Variants in IPP observed in about 807,000 individuals in gnomAD.
IPP encodes actin-binding protein IPP.
In IPP, 41 loss-of-function variants were observed where a neutral mutation model predicts 64.1. The observed-to-expected ratio is 0.64, with a 90% CI of 0.50 to 0.83. The LOEUF (loss-of-function observed/expected upper bound fraction) is 0.83, where lower values mean the gene tolerates loss of function less well. Among genes scored for constraint, IPP ranks in the 40% least tolerant of loss-of-function variants. IPP has a pLI of 0.00. For missense variants in IPP, 649 were observed against 703.0 expected, an observed-to-expected ratio of 0.92 and a Z score of 0.87; for synonymous variants, 214 against 235.2, an observed-to-expected ratio of 0.91 and a Z score of 0.83.
At chr1:45,708,833 A>G (rs983709252) in intron 8 of IPP, among the ~76,000 whole-genome samples, 3 of 151,692 alleles carry the variant, frequency 2.0e-5, no homozygotes, top group Non-Finnish European at 4.4e-5. Flanking sequence ...GTAGTTCGAG[A>G]CCAGCCTGGC....
intron 7 of IPP, among the ~76,000 whole-genome samples, chr1:45,714,906 A>T (rs919549361): frequency 1.3e-5 from 2 of 152,216 alleles, no homozygotes; most frequent in African/African-American, 4.8e-5. Flanking sequence ...AAATTTAAAT[A>T]GTATATGGCT....
intron 6 of IPP, among the ~76,000 whole-genome samples, chr1:45,717,750 T>G (rs1340386343): frequency 6.6e-6 from 1 of 152,124 alleles, no homozygotes; most frequent in Non-Finnish European, 1.5e-5. Flanking sequence ...CCTGACTTCA[T>G]GATCCGCCCG....
chr1:45,749,525 G>GTTT (rs779346516), intron 1 of IPP, among the ~76,000 whole-genome samples: 4 of 107,090 alleles, frequency 3.7e-5, no homozygotes, highest in South Asian at 3.5e-4. Context: ...TTTGTTTTTT[G>GTTT]TTTTTTTTTT....
intron 8 of IPP, among the ~76,000 whole-genome samples, chr1:45,702,646 G>T (rs184511171): frequency 1.3e-5 from 2 of 151,954 alleles, no homozygotes; most frequent in African/African-American, 4.8e-5. Flanking sequence ...GTAGAGACAG[G>T]GTTTTACCAT....
At chr1:45,726,160 TAA>T (rs71062704) in intron 5 of IPP, among the ~76,000 whole-genome samples, 1 of 141,312 alleles carries the variant, frequency 7.1e-6, no homozygotes, top group Non-Finnish European at 1.5e-5. Flanking sequence ...ACCCCATCTC[TAA>T]AAAAAAAAAA....
chr1:45,701,178 T>G (rs1645445309), intron 8 of IPP, among the ~76,000 whole-genome samples: 1 of 152,250 alleles, frequency 6.6e-6, no homozygotes. Context: ...CCAAAAATAT[T>G]TACTATCTGG....
chr1:45,744,571 T>G (rs1646109932), intron 2 of IPP, among the ~76,000 whole-genome samples: 1 of 152,144 alleles, frequency 6.6e-6, no homozygotes, highest in African/African-American at 2.4e-5. Flanking sequence ...CTAGGCGTAG[T>G]GGCTCACGCC....
chr1:45,712,860 A>AAG, intron 8 of IPP, among the ~76,000 whole-genome samples: 1 of 140,248 alleles, frequency 7.1e-6, no homozygotes, highest in African/African-American at 2.8e-5. Flanking sequence ...TCTCAAAAAA[A>AAG]AAAAGAAAAA....
intron 2 of IPP, among the ~76,000 whole-genome samples, chr1:45,742,681 TCACCA>T (rs2148583085): frequency 1.3e-5 from 2 of 151,462 alleles, no homozygotes; most frequent in Admixed American, 1.3e-4. Flanking sequence ...CTACAGACAC[TCACCA>T]CCATGATCGG....
Position 45,717,223 on chromosome 1 carries a change from A to G in IPP, c.1187-206T>C, listed in dbSNP as rs1338377850. Among the ~76,000 whole-genome samples the G allele has an allele frequency of 9.8e-4, 26 of 26,456 alleles. No individual in the cohort carries two copies. In the African/African-American group the frequency reaches 0.02, roughly 21 times the overall value. 17.4% of individuals were successfully genotyped at this position (26,456 alleles called of 152,430 possible). A position where few individuals can be genotyped will look rare whatever the true frequency, so the allele number is the denominator to read the frequency against. On this transcript the variant is annotated intron_variant, in intron 6 of 8. Coordinates refer to ENST00000396478, the MANE Select transcript of IPP (RefSeq NM_005897.3). ...TTGCATAACTGATGCTCTTTTGAGA[A>G]AAAAAAAAAAAAAAAAAAAAAGGAA... is the stretch of plus-strand genomic sequence containing the variant.
At chr1:45,694,645 G>C, downstream of IPP, 1 of 600,806 alleles carries the variant, frequency 1.7e-6, no homozygotes, top group South Asian at 2.1e-5. Flanking sequence ...AAGTCAGTAG[G>C]GAGCAGTGTC....
chr1:45,713,304 T>C (rs1202161868), intron 8 of IPP, among the ~76,000 whole-genome samples: 2 of 152,042 alleles, frequency 1.3e-5, no homozygotes, highest in African/African-American at 4.8e-5. Flanking sequence ...CTCATGCCTG[T>C]AATCCCAGCA....
intron 1 of IPP, among the ~76,000 whole-genome samples, chr1:45,750,059 A>G (rs1271273666): frequency 6.6e-6 from 1 of 152,188 alleles, no homozygotes; most frequent in East Asian, 1.9e-4. Flanking sequence ...TCAAAAAAAA[A>G]AGCAGATTAT....
chr1:45,742,570 G>A (rs1036208857), intron 2 of IPP, among the ~76,000 whole-genome samples: 11 of 152,144 alleles, frequency 7.2e-5, no homozygotes, highest in African/African-American at 2.4e-4. Context: ...GTCTCATTCT[G>A]TTGTCCAGGC....
At chr1:45,737,945 T>C (rs1425597806) in intron 3 of IPP, among the ~76,000 whole-genome samples, 2 of 152,158 alleles carry the variant, frequency 1.3e-5, no homozygotes, top group East Asian at 3.8e-4. Flanking sequence ...ACATAACTTT[T>C]ATTACAAATA....
chr1:45,746,279 G>C lies in IPP; in HGVS notation c.133C>G (p.Gln45Glu), dbSNP rs760487653. The change falls in exon 2 of 9, where the codon CAG becomes GAG. Residue 45 changes from glutamine to glutamate, a missense_variant. By Grantham distance (29) the Gln-to-Glu change is conservative. Transcript: ENST00000396478. ...AGCCGATGAGCTTTAAAACTTTCCTGTCCAACTTGCAGCTGCACATCACAG... is the reference window on the plus strand; with the variant it reads ...AGCCGATGAGCTTTAAAACTTTCCTCTCCAACTTGCAGCTGCACATCACAG... Reference protein sequence around the residue: ...HFCDVQLQVGQESFKAHRLVL... With the variant: ...HFCDVQLQVGEESFKAHRLVL... The C allele has an allele frequency of 1.2e-6, 2 of 1,614,138 alleles. No individual in the cohort carries two copies. The highest frequency in any genetic ancestry group is 1.7e-6 in the Non-Finnish European group (2 of 1,180,032).
intron 4 of IPP, among the ~76,000 whole-genome samples, chr1:45,728,495 C>CT (rs1051665461): frequency 5.3e-5 from 8 of 149,646 alleles, no homozygotes; most frequent in East Asian, 2.0e-4. Context: ...AAGTTTAATG[C>CT]TTTTTTTTTC....
At chr1:45,714,793 A>AT (rs1009787250) in intron 7 of IPP, among the ~76,000 whole-genome samples, 36 of 75,936 alleles carry the variant, frequency 4.7e-4, no homozygotes, top group African/African-American at 1.9e-3. Context: ...AGGAACATGG[A>AT]TTTTTTTTTC....
chr1:45,721,101 A>G (rs1645725062), intron 5 of IPP, among the ~76,000 whole-genome samples: 1 of 152,240 alleles, frequency 6.6e-6, no homozygotes, highest in Non-Finnish European at 1.5e-5. Context: ...ATGAGGGTCT[A>G]GAATCCTGAA....
Sources: gnomAD v4.1 joint callset for allele counts (sites outside exome capture counted in the v4.1 genomes callset) on GRCh38, gnomAD v4.1.1 for gene constraint, MANE v1.5 for transcripts, NCBI Gene and HGNC (gene_info 2026-07-23, HGNC 2026-07-21) for gene names.